Variants in GPC6 observed in about 807,000 individuals in gnomAD.
GPC6 encodes the protein glypican-6.
GPC6 carries 14 observed loss-of-function variants against 55.2 expected under a neutral mutation model. That is an observed-to-expected ratio of 0.25 (90% CI 0.17 to 0.40). GPC6 has a LOEUF of 0.40. Among genes scored for constraint, GPC6 ranks in the 10% least tolerant of loss-of-function variants. GPC6 has a pLI of 1.00. For missense variants in GPC6, 641 were observed against 708.5 expected (o/e 0.90, Z 1.08); for synonymous variants, 278 against 259.6 (o/e 1.07, Z -0.68).
At chr13:94,064,962 G>T (rs961136502) in intron 4 of GPC6, among the ~76,000 whole-genome samples, 1 of 151,932 alleles carries the variant, frequency 6.6e-6, no homozygotes, top group Non-Finnish European at 1.5e-5. Flanking sequence ...CATTTACCTT[G>T]TAATATTTAA....
At chr13:94,175,896 C>T (rs1004424785) in intron 4 of GPC6, among the ~76,000 whole-genome samples, 5 of 135,502 alleles carry the variant, frequency 3.7e-5, no homozygotes, top group African/African-American at 1.3e-4. Flanking sequence ...TATTTATATA[C>T]ATATATATAT....
At chr13:93,233,894 G>A (rs1012843125) in intron 1 of GPC6, among the ~76,000 whole-genome samples, 3 of 152,166 alleles carry the variant, frequency 2.0e-5, no homozygotes, top group Non-Finnish European at 4.4e-5. Flanking sequence ...CTTCTTGACC[G>A]TAAGTTGTTC....
In GPC6 at chr13:93,815,898, G is replaced by A. The variant is rs374297130; in HGVS notation, c.320-14256G>A. Among the ~76,000 whole-genome samples the A allele has an allele frequency of 9.9e-5, 15 of 152,264 alleles. 1 individual carries two copies. Among genetic ancestry groups the A allele is most frequent in the African/African-American group, 3.6e-4 (15 of 41,550 alleles). On this transcript the variant is annotated intron_variant, in intron 2 of 8. Transcript: ENST00000377047. The stretch of plus-strand genomic sequence containing the variant: ...AATGATTTCTAAGACATGGCTTGGG[G>A]AGCTGAGCCATCTCTAACTCCTGAC...
chr13:93,475,467 A>G (rs1011018601), intron 1 of GPC6, among the ~76,000 whole-genome samples: 6 of 152,172 alleles, frequency 3.9e-5, no homozygotes, highest in Non-Finnish European at 5.9e-5. Context: ...TACTTTTTCT[A>G]TTTTCTATAG....
intron 1 of GPC6, among the ~76,000 whole-genome samples, chr13:93,431,599 AT>A (rs1481303690): frequency 6.6e-6 from 1 of 152,120 alleles, no homozygotes; most frequent in Non-Finnish European, 1.5e-5. Context: ...CAATTTGTTT[AT>A]ATTACATTCA....
chr13:93,246,108 T>A (rs546819948), intron 1 of GPC6, among the ~76,000 whole-genome samples: 2 of 152,338 alleles, frequency 1.3e-5, no homozygotes, highest in African/African-American at 4.8e-5. Flanking sequence ...CTCCTTGAGC[T>A]GTTTTTCCTA....
intron 4 of GPC6, among the ~76,000 whole-genome samples, chr13:94,119,190 C>T (rs1373871946): frequency 6.6e-6 from 1 of 151,844 alleles, no homozygotes; most frequent in African/African-American, 2.4e-5. Flanking sequence ...TATTCCAGGT[C>T]GTTGGTATCT....
At chr13:93,765,310 T>TAAGCTGTCTGGAAAGACAGC (rs1361108806) in intron 2 of GPC6, among the ~76,000 whole-genome samples, 1 of 38,418 alleles carries the variant, frequency 2.6e-5, no homozygotes. Flanking sequence ...AGACAACTTA[T>TAAGCTGTCTGGAAAGACAGC]TTGGTTTAAG....
chr13:93,710,976 T>A (rs1883036092), intron 2 of GPC6, among the ~76,000 whole-genome samples: 1 of 151,834 alleles, frequency 6.6e-6, no homozygotes, highest in African/African-American at 2.4e-5. Flanking sequence ...AGCATTTCTG[T>A]TCATAACTTG....
rs1436827076 is a variant in GPC6, at chr13:93,588,809, T to G, written c.319+43388T>G. Among the ~76,000 whole-genome samples, 3 of 152,264 alleles carry G rather than the reference T, an allele frequency of 2.0e-5. No individual in the cohort carries two copies. In the East Asian group the frequency reaches 5.8e-4, roughly 29 times the overall value. ...AGGCCCCACCTCCAACATTGGAGAT[T>G]ACATTTCAACATGAGATTTGGTGGA... is the stretch of plus-strand genomic sequence containing the variant. On this transcript the variant is annotated intron_variant, in intron 2 of 8. Transcript: ENST00000377047.
chr13:93,825,971 C>A (rs1257820401), intron 2 of GPC6, among the ~76,000 whole-genome samples: 2 of 151,064 alleles, frequency 1.3e-5, no homozygotes, highest in African/African-American at 4.9e-5. Flanking sequence ...AGTGATTCTC[C>A]TGCCTCAGCC....
At chr13:93,603,959 T>G (rs961495961) in intron 2 of GPC6, among the ~76,000 whole-genome samples, 1 of 152,184 alleles carries the variant, frequency 6.6e-6, no homozygotes, top group African/African-American at 2.4e-5. Flanking sequence ...AAATCTGGAA[T>G]AGAAAAATGG....
At chr13:94,109,475 T>TTTTTTTTTTTTTTTTTTTTTTTTTTA in intron 4 of GPC6, among the ~76,000 whole-genome samples, 1 of 152,196 alleles carries the variant, frequency 6.6e-6, no homozygotes, top group Non-Finnish European at 1.5e-5. Context: ...TATTTTAGTC[T>TTTTTTTTTTTTTTTTTTTTTTTTTTA]ACAATGAAGA....
chr13:93,663,162 C>T (rs2139615799), intron 2 of GPC6, among the ~76,000 whole-genome samples: 1 of 150,958 alleles, frequency 6.6e-6, no homozygotes, highest in African/African-American at 2.4e-5. Flanking sequence ...GAACAGAAAG[C>T]TAGACATAAA....
intron 4 of GPC6, among the ~76,000 whole-genome samples, chr13:94,124,325 T>C (rs1886734064): frequency 6.6e-6 from 1 of 152,148 alleles, no homozygotes; most frequent in Non-Finnish European, 1.5e-5. Flanking sequence ...TGGGCTCATT[T>C]ATTCATTCAA....
At chr13:94,182,009 G>T (rs1409193751) in intron 4 of GPC6, among the ~76,000 whole-genome samples, 2 of 152,188 alleles carry the variant, frequency 1.3e-5, no homozygotes, top group Non-Finnish European at 2.9e-5. Flanking sequence ...GACATTAGGA[G>T]GGCAAGCATA....
chr13:93,585,040 A>G (rs1877125467), intron 2 of GPC6, among the ~76,000 whole-genome samples: 1 of 152,206 alleles, frequency 6.6e-6, no homozygotes, highest in African/African-American at 2.4e-5. Flanking sequence ...TCATTTGATT[A>G]AAGACATTTT....
At chr13:93,907,378 T>C (rs1594577761) in intron 3 of GPC6, among the ~76,000 whole-genome samples, 1 of 152,186 alleles carries the variant, frequency 6.6e-6, no homozygotes, top group Non-Finnish European at 1.5e-5. Flanking sequence ...TTATTCAAAT[T>C]GTTGTCTTGT....
chr13:93,454,913 G>A (rs936676247), intron 1 of GPC6, among the ~76,000 whole-genome samples: 1 of 152,258 alleles, frequency 6.6e-6, no homozygotes, highest in Non-Finnish European at 1.5e-5. Context: ...GCGGGCTGCA[G>A]GTCCCGAGCC....
Sources: allele counts gnomAD v4.1 joint callset (sites outside exome capture counted in the v4.1 genomes callset), GRCh38; gene constraint gnomAD v4.1.1; transcripts MANE v1.5; gene names NCBI Gene and HGNC (gene_info 2026-07-23, HGNC 2026-07-21).